The following GIMD1 variants were observed in gnomAD, a reference collection of about 807,000 sequenced individuals.
GIMD1 encodes GIMAP family P-loop NTPase domain containing 1.
GIMD1 carries 14 observed loss-of-function variants against 14.9 expected under a neutral mutation model. The observed-to-expected ratio is 0.94, with a 90% confidence interval of 0.62 to 1.47. GIMD1 has a LOEUF of 1.47. Ranked by LOEUF, GIMD1 falls within the 40% of genes most tolerant of loss-of-function variation. The pLI, the probability that GIMD1 is intolerant of heterozygous loss-of-function variation, is 0.00. For synonymous variants in GIMD1, 91 were observed against 90.5 expected, an observed-to-expected ratio of 1.01 and a Z score of -0.03; for missense variants, 272 against 255.3, an observed-to-expected ratio of 1.07 and a Z score of -0.44.
At chr4:106,360,249 G>A (rs1287669830) in intron 2 of GIMD1, among the ~76,000 whole-genome samples, 1 of 151,668 alleles carries the variant, frequency 6.6e-6, no homozygotes, top group East Asian at 1.9e-4. Flanking sequence ...CTTCATATGT[G>A]TTCAAAATTT....
chr4:106,363,824 G>A (rs574135160), intron 2 of GIMD1, among the ~76,000 whole-genome samples: 40 of 134,552 alleles, frequency 3.0e-4, no homozygotes, highest in Admixed American at 5.9e-4. Flanking sequence ...TGTTGATGAT[G>A]AAATAAAAGT....
chr4:106,358,211 TTC>T lies in GIMD1; in HGVS notation c.624_625del (p.Asn209LeufsTer8). 6.6e-7 allele frequency: 1 copy of T among 1,508,062 alleles called. No homozygotes were observed. Among genetic ancestry groups the T allele is most frequent in the Non-Finnish European group, 8.8e-7 (1 of 1,132,546 alleles). The allele number at this position is 1,508,062 out of a possible 1,614,324, so 93.4% of individuals were successfully genotyped here. ...TTTAAATGTAAGAACTTGGTAACAG[TTC>T]TCTTTTATAAATTCCATGATTCTTT... On this transcript the variant is annotated frameshift_variant, in exon 3 of 3. Transcript: ENST00000638719. LOFTEE classifies it high-confidence loss of function.
intron 2 of GIMD1, among the ~76,000 whole-genome samples, chr4:106,362,457 A>C (rs73839460): frequency 6.6e-6 from 1 of 152,134 alleles, no homozygotes; most frequent in African/African-American, 2.4e-5. Context: ...ACTAAGCTAG[A>C]TGAAAATTTT....
chr4:106,361,006 C>T (rs1770604651), intron 2 of GIMD1, among the ~76,000 whole-genome samples: 1 of 152,052 alleles, frequency 6.6e-6, no homozygotes, highest in Non-Finnish European at 1.5e-5. Context: ...TAGATCTGGC[C>T]TCTGGGAATA....
At chr4:106,362,256 C>T (rs1770623740) in intron 2 of GIMD1, among the ~76,000 whole-genome samples, 1 of 152,142 alleles carries the variant, frequency 6.6e-6, no homozygotes, top group Admixed American at 6.6e-5. Flanking sequence ...ATCTTTAAGT[C>T]GATTTTGGCC....
At chr4:106,366,513 T>G (rs150813111) in intron 2 of GIMD1, among the ~76,000 whole-genome samples, 22 of 152,254 alleles carry the variant, frequency 1.4e-4, no homozygotes, top group African/African-American at 5.1e-4. Flanking sequence ...GATTGTCCCT[T>G]TGATGCTGAA....
intron 1 of GIMD1, among the ~76,000 whole-genome samples, chr4:106,368,483 A>T (rs1410651303): frequency 6.6e-6 from 1 of 151,968 alleles, no homozygotes; most frequent in Non-Finnish European, 1.5e-5. Context: ...AATGCCCCTC[A>T]CTCCATTATA....
intron 2 of GIMD1, among the ~76,000 whole-genome samples, chr4:106,366,594 A>G (rs1221911487): frequency 2.0e-5 from 3 of 152,200 alleles, no homozygotes; most frequent in Non-Finnish European, 4.4e-5. Flanking sequence ...ATGGAAAATT[A>G]TGAAAATACA....
chr4:106,365,106 G>A (rs1770675465), intron 2 of GIMD1, among the ~76,000 whole-genome samples: 1 of 152,066 alleles, frequency 6.6e-6, no homozygotes, highest in South Asian at 2.1e-4. Context: ...AGCTTTAAAT[G>A]AATTTTTAAG....
At position 106,367,129 on chromosome 4, in the gene GIMD1, C is replaced by G. The variant is rs1770714112; in HGVS notation, c.307G>C (p.Gly103Arg). ...ACCAGGAGTGCAAGGTGGAGACCCC[C>G]TTGCCCGAAGTGATGTGCCAGAGCC... Reference protein sequence around the residue: ...KEALAHHFGQGGLHLALLVQR... With the variant: ...KEALAHHFGQRGLHLALLVQR... The change falls in exon 2 of 3, where the codon GGG (glycine) becomes CGG (arginine). Residue 103 changes from glycine to arginine, a missense_variant. Physicochemically the swap from Gly to Arg is moderately radical, Grantham distance 125. Transcript: ENST00000638719. 6.5e-7 allele frequency: 1 copy of G among 1,535,530 alleles called. No individual in the cohort carries two copies. Among genetic ancestry groups the G allele is most frequent in the African/African-American group, 1.4e-5 (1 of 72,952 alleles).
intron 2 of GIMD1, among the ~76,000 whole-genome samples, chr4:106,360,942 G>A (rs1212265045): frequency 2.0e-5 from 3 of 151,988 alleles, no homozygotes; most frequent in Non-Finnish European, 4.4e-5. Context: ...TGTTACAGGA[G>A]CCCTAGCAAA....
At position 106,357,494 on chromosome 4, in the gene GIMD1, G is replaced by T. The variant is rs2125933139; in HGVS notation, c.*689C>A. On this transcript the variant is annotated 3_prime_UTR_variant, in exon 3 of 3. Transcript: ENST00000638719. ...GTTTGTTGTTGCATTTTCACAAAGT[G>T]AACAAATCCTGTGAAACCAGGCTCC... 6.6e-6 allele frequency: 1 copy of T among 152,108 alleles called. No individual in the cohort carries two copies. Among genetic ancestry groups the T allele is most frequent in the South Asian group, 2.1e-4 (1 of 4,818 alleles). 9.4% of individuals were successfully genotyped at this position (152,108 alleles called of 1,614,324 possible).
chr4:106,363,251 T>C (rs1770640751), intron 2 of GIMD1, among the ~76,000 whole-genome samples: 1 of 152,118 alleles, frequency 6.6e-6, no homozygotes, highest in South Asian at 2.1e-4. Context: ...GTGCCTAAGC[T>C]ATATCATTTA....
intron 2 of GIMD1, among the ~76,000 whole-genome samples, chr4:106,366,656 C>T (rs1426587495): frequency 6.6e-6 from 1 of 152,118 alleles, no homozygotes; most frequent in Non-Finnish European, 1.5e-5. Context: ...TTGGATCAAT[C>T]TTCTTTAACA....
intron 2 of GIMD1, among the ~76,000 whole-genome samples, 156 bp from the exon 3 acceptor site, chr4:106,358,599 T>C (rs575789253): frequency 6.6e-6 from 1 of 152,110 alleles, no homozygotes; most frequent in African/African-American, 2.4e-5. Context: ...CAGGGTCAAG[T>C]ATTTTAAGTA....
chr4:106,362,196 AC>A, intron 2 of GIMD1, among the ~76,000 whole-genome samples: 1 of 152,220 alleles, frequency 6.6e-6, no homozygotes, highest in South Asian at 2.1e-4. Context: ...GAGAAATTGC[AC>A]TTTTGAATTA....
Position 106,358,094 on chromosome 4 carries a change from T to A in GIMD1, c.*89A>T, listed in dbSNP as rs981333700. ...TCTCACCAGCAGCATATCAGAATAC[T>A]TATGGTCCACATTCATGTCAATAAA... On this transcript the variant is annotated 3_prime_UTR_variant, in exon 3 of 3. Coordinates refer to ENST00000638719, the MANE Select transcript of GIMD1 (RefSeq NM_001195138.2). 6.9e-6 allele frequency: 6 copies of A among 869,320 alleles called. No homozygotes were observed. In the African/African-American group the frequency reaches 1.0e-4, roughly 15 times the overall value. The allele number at this position is 869,320 out of a possible 1,614,324, so 53.9% of individuals were successfully genotyped here.
At chr4:106,361,345 G>T (rs1770610250) in intron 2 of GIMD1, among the ~76,000 whole-genome samples, 1 of 152,026 alleles carries the variant, frequency 6.6e-6, no homozygotes, top group African/African-American at 2.4e-5. Context: ...CATTATAAAG[G>T]TGATCATTTT....
chr4:106,359,301 G>A (rs909302826), intron 2 of GIMD1, among the ~76,000 whole-genome samples: 2 of 151,698 alleles, frequency 1.3e-5, no homozygotes, highest in Admixed American at 6.6e-5. Flanking sequence ...CCTCCATTCC[G>A]AACACTCCTA....
Sources: gnomAD v4.1 joint callset for allele counts (sites outside exome capture counted in the v4.1 genomes callset) on GRCh38, gnomAD v4.1.1 for gene constraint, MANE v1.5 for transcripts, NCBI Gene and HGNC (gene_info 2026-07-23, HGNC 2026-07-21) for gene names.